SHMT1: variants seen among roughly 807,000 people sequenced by gnomAD.
SHMT1 encodes serine hydroxymethyltransferase, cytosolic.
SHMT1 carries 45 observed loss-of-function variants against 49.0 expected under a neutral mutation model. The observed-to-expected ratio is 0.92, with a 90% confidence interval of 0.72 to 1.18. SHMT1 has a LOEUF of 1.18. SHMT1 is among the 50% of genes most tolerant of loss of function. The probability of loss-of-function intolerance (pLI) is 0.00; values close to 1 mark genes in which losing one functional copy is unlikely to be tolerated. For synonymous variants in SHMT1, 232 were observed against 246.6 expected, an observed-to-expected ratio of 0.94 and a Z score of 0.55; for missense variants, 541 against 612.4, an observed-to-expected ratio of 0.88 and a Z score of 1.23.
rs1567770378 is a variant in SHMT1, at chr17:18,333,203, A to G, written c.1017T>C (p.Ser339=). 6.2e-7 allele frequency: 1 copy of G among 1,614,036 alleles called. No individual in the cohort carries two copies. The highest frequency in any genetic ancestry group is 1.7e-5 in the Admixed American group (1 of 60,024). The part of the protein sequence containing the change: ...HQVVANCRAL[S]EALTELGYKI... ...TGTAGCCCAGCTCCGTCAGGGCCTC[A>G]GACAGAGCCCTGCAGTTGGCCACCA... is the stretch of plus-strand genomic sequence containing the variant. Residue 339 remains serine, a synonymous_variant, in exon 9 of 12, where the codon TCT becomes TCC. Coordinates refer to ENST00000316694, the MANE Select transcript of SHMT1 (RefSeq NM_004169.5).
intron 5 of SHMT1, among the ~76,000 whole-genome samples, chr17:18,344,909 G>A (rs1418455642): frequency 2.0e-5 from 3 of 152,228 alleles, no homozygotes; most frequent in Non-Finnish European, 2.9e-5. Flanking sequence ...TGGGGCAGGG[G>A]CTGAAGGTGG....
intron 7 of SHMT1, among the ~76,000 whole-genome samples, chr17:18,337,271 G>C (rs1249133956): frequency 6.6e-6 from 1 of 152,192 alleles, no homozygotes; most frequent in Non-Finnish European, 1.5e-5. Flanking sequence ...GGCAGAGCTA[G>C]TACTTGCTCT....
At chr17:18,358,861 G>A (rs1986496030) in intron 1 of SHMT1, among the ~76,000 whole-genome samples, 1 of 152,140 alleles carries the variant, frequency 6.6e-6, no homozygotes. Flanking sequence ...CGTGATTGTG[G>A]CAGTGCATTC....
Position 18,340,765 on chromosome 17 carries a change from C to T in SHMT1, c.568G>A (p.Ala190Thr), listed in dbSNP as rs887752397. ...YINYDQLEEN[A>T]RLFHPKLIIA... ...ATCAGCTTCGGGTGGAAGAGGCGTG[C>T]GTTCTCCTCCAGCTGGTCATAGTTG... is the stretch of plus-strand genomic sequence containing the variant. The change falls in exon 6 of 12, where the codon GCA (alanine) becomes ACA (threonine). Residue 190 changes from alanine to threonine, a missense_variant. Ala to Thr is a moderately conservative substitution (Grantham distance 58). Transcript: ENST00000316694. The surrounding 1 kb of genome is among the most constrained non-coding windows in gnomAD (Gnocchi z 4.5). 11 of 1,613,120 alleles carry T rather than the reference C, an allele frequency of 6.8e-6. No individual in the cohort carries two copies. Among genetic ancestry groups the T allele is most frequent in the Non-Finnish European group, 8.5e-6 (10 of 1,179,712 alleles).
intron 5 of SHMT1, among the ~76,000 whole-genome samples, chr17:18,343,794 C>T (rs1984787921): frequency 6.6e-6 from 1 of 150,888 alleles, no homozygotes; most frequent in Non-Finnish European, 1.5e-5. Flanking sequence ...GTGGCATGCG[C>T]CTCTAGTCCC....
chr17:18,340,360 C>A lies in SHMT1; in HGVS notation c.602-105G>T. 1 of 1,253,300 alleles carries A rather than the reference C, an allele frequency of 8.0e-7. No homozygotes were observed. Among genetic ancestry groups the A allele is most frequent in the South Asian group, 1.2e-5 (1 of 81,316 alleles). 77.6% of individuals were successfully genotyped at this position (1,253,300 alleles called of 1,614,324 possible). A position where few individuals can be genotyped will look rare whatever the true frequency, so the allele number is the denominator to read the frequency against. ...TGCAGATCTGAAAGCCCAGAGATTTCTTCCCTTAAAGTCTCAGAGCAAAAA... is the reference window on the plus strand; with the variant it reads ...TGCAGATCTGAAAGCCCAGAGATTTATTCCCTTAAAGTCTCAGAGCAAAAA... On this transcript the variant is annotated intron_variant, in intron 6 of 11. Coordinates refer to ENST00000316694, the MANE Select transcript of SHMT1 (RefSeq NM_004169.5). The surrounding 1 kb of genome is among the most constrained non-coding windows in gnomAD (Gnocchi z 4.5).
chr17:18,338,136 T>A (rs1251283012), intron 7 of SHMT1, among the ~76,000 whole-genome samples: 3 of 151,466 alleles, frequency 2.0e-5, no homozygotes, highest in African/African-American at 7.3e-5. Flanking sequence ...GGAGCGTCTC[T>A]GCCCGGCCGC....
At chr17:18,345,522 G>T (rs138960294) in intron 5 of SHMT1, among the ~76,000 whole-genome samples, 1,561 of 151,924 alleles carry the variant, frequency 0.01, 28 homozygotes, top group African/African-American at 0.036. Context: ...CTCCCAAAGT[G>T]CTGGGATTAC....
chr17:18,343,387 T>A (rs1984729863), intron 5 of SHMT1, among the ~76,000 whole-genome samples: 1 of 151,616 alleles, frequency 6.6e-6, no homozygotes, highest in Non-Finnish European at 1.5e-5. Flanking sequence ...GGGGGTCAGA[T>A]CACCTGAGGT....
intron 5 of SHMT1, chr17:18,341,161 AT>A: frequency 2.9e-6 from 1 of 340,286 alleles, no homozygotes; most frequent in Non-Finnish European, 5.6e-6. Context: ...ATGCCTGCTA[AT>A]ACTACTTCTA....
At position 18,330,584 on chromosome 17, in the gene SHMT1, G is replaced by T. The variant is rs1567767483; in HGVS notation, c.1142C>A (p.Ser381Tyr). 3 of 1,613,788 alleles carry T rather than the reference G, an allele frequency of 1.9e-6. No homozygotes were observed. The highest frequency in any genetic ancestry group is 1.7e-5 in the Admixed American group (1 of 60,024). ...ACAGGTGTTCTTGTTGCAGGCAATA[G>T]AACAGGCTTCTAGCACCTTCTCAGC... ...GRAEKVLEAC[S>Y]IACNKNTCPG... Residue 381 changes from serine to tyrosine, a missense_variant, in exon 10 of 12, where the codon TCT becomes TAT. Ser to Tyr is a moderately radical substitution (Grantham distance 144). Transcript: ENST00000316694.
chr17:18,358,940 T>C (rs932708443), intron 1 of SHMT1, among the ~76,000 whole-genome samples: 1 of 152,018 alleles, frequency 6.6e-6, no homozygotes, highest in African/African-American at 2.4e-5. Flanking sequence ...AAGGACTTGT[T>C]TGAATATAAA....
intron 10 of SHMT1, among the ~76,000 whole-genome samples, chr17:18,329,806 CA>C (rs1364991309): frequency 1.3e-5 from 2 of 152,190 alleles, no homozygotes; most frequent in Non-Finnish European, 2.9e-5. Flanking sequence ...GGGCCAAGTA[CA>C]AAGGCACAGC....
intron 1 of SHMT1, chr17:18,362,942 G>C (rs1338755054): frequency 2.0e-5 from 3 of 152,278 alleles, no homozygotes; most frequent in Admixed American, 1.3e-4. Context: ...TCCGGGCTCT[G>C]CCATTTAAGT....
chr17:18,353,926 A>G, intron 2 of SHMT1, 109 bp from the exon 3 acceptor site: 1 of 959,232 alleles, frequency 1.0e-6, no homozygotes, highest in Non-Finnish European at 1.7e-6. Flanking sequence ...CACATTATGG[A>G]ATAGAATGAA....
rs761097490 is a variant in SHMT1 at position 18,340,269 on chromosome 17, G to A, written c.602-14C>T. Reference sequence around the variant, plus strand: ...AGCAGCTGGTTCCTGAGACAGGAAAGGTGACACAGCTGCATCAGAGATGTC... The same window carrying A: ...AGCAGCTGGTTCCTGAGACAGGAAAAGTGACACAGCTGCATCAGAGATGTC... On this transcript the variant is annotated splice_polypyrimidine_tract_variant and intron_variant, in intron 6 of 11. Coordinates refer to ENST00000316694, the MANE Select transcript of SHMT1 (RefSeq NM_004169.5). The surrounding 1 kb of genome is among the most constrained non-coding windows in gnomAD (Gnocchi z 4.5). 1 of 1,613,684 alleles carries A rather than the reference G, an allele frequency of 6.2e-7. No homozygotes were observed. Among genetic ancestry groups the A allele is most frequent in the South Asian group, 1.1e-5 (1 of 91,082 alleles).
chr17:18,350,585 C>T (rs1018663061), intron 3 of SHMT1, among the ~76,000 whole-genome samples: 8 of 151,974 alleles, frequency 5.3e-5, no homozygotes, highest in African/African-American at 1.9e-4. Context: ...TGCAATGAGA[C>T]GAGATTGCAC....
chr17:18,358,150 TAA>T (rs775035265), intron 1 of SHMT1, among the ~76,000 whole-genome samples: 6 of 113,462 alleles, frequency 5.3e-5, no homozygotes, highest in Non-Finnish European at 7.1e-5. Flanking sequence ...CTAGGACTCT[TAA>T]AAAAAAAAAA....
chr17:18,360,527 T>A (rs546706812), intron 1 of SHMT1: 2 of 141,720 alleles, frequency 1.4e-5, no homozygotes, highest in African/African-American at 5.3e-5. Context: ...CCCACAGCAC[T>A]CCAGCCTGGC....
Sources: allele counts gnomAD v4.1 joint callset (sites outside exome capture counted in the v4.1 genomes callset), GRCh38; gene constraint gnomAD v4.1.1; non-coding constraint Gnocchi (gnomAD v3.1); transcripts MANE v1.5; gene names NCBI Gene and HGNC (gene_info 2026-07-23, HGNC 2026-07-21).